Variants in FSHR observed in about 807,000 individuals in gnomAD.
FSHR encodes follicle-stimulating hormone receptor.
FSHR carries 46 observed loss-of-function variants against 52.1 expected under a neutral mutation model. That is an observed-to-expected ratio of 0.88 (90% CI 0.70 to 1.13). The LOEUF (loss-of-function observed/expected upper bound fraction) is 1.13. FSHR is among the 50% of genes most tolerant of loss of function. The probability of loss-of-function intolerance (pLI) is 0.00; values close to 1 mark genes in which losing one functional copy is unlikely to be tolerated. For missense variants in FSHR, 964 were observed against 834.6 expected (o/e 1.16, Z -1.91); for synonymous variants, 399 against 309.6 (o/e 1.29, Z -3.03).
intron 4 of FSHR, among the ~76,000 whole-genome samples, chr2:48,993,120 G>C (rs1357442623): frequency 6.6e-6 from 1 of 151,552 alleles, no homozygotes; most frequent in African/African-American, 2.4e-5. Context: ...TGGGCCTTTT[G>C]CTTCTCTTTT....
At chr2:48,999,467 G>C (rs1175435683) in intron 4 of FSHR, among the ~76,000 whole-genome samples, 1 of 152,060 alleles carries the variant, frequency 6.6e-6, no homozygotes, top group Non-Finnish European at 1.5e-5. Flanking sequence ...TTCATTATGA[G>C]AGTTGCCCAA....
intron 1 of FSHR, among the ~76,000 whole-genome samples, chr2:49,081,758 C>G (rs757297776): frequency 6.6e-6 from 1 of 152,126 alleles, no homozygotes; most frequent in Non-Finnish European, 1.5e-5. Context: ...AATTGGGAAG[C>G]TTTATGATTC....
rs1672252041 is a variant in FSHR at position 49,131,252 on chromosome 2, A to G, written c.152+23014T>C. 1.3e-5 allele frequency among the ~76,000 whole-genome samples: 2 copies of G among 152,200 alleles called. 1 individual carries two copies. The highest frequency in any genetic ancestry group is 4.1e-4 in the South Asian group (2 of 4,828). ...AAGACGAGTTGAAGACCAACAAACA[A>G]GATGATAAATTCAAGTTAATTCTAG... On this transcript the variant is annotated intron_variant, in intron 1 of 9. Transcript: ENST00000406846.
intron 4 of FSHR, among the ~76,000 whole-genome samples, chr2:49,000,316 G>A (rs1341411130): frequency 1.3e-5 from 2 of 152,104 alleles, no homozygotes; most frequent in Admixed American, 1.3e-4. Context: ...AAGAATCACG[G>A]CAAACTAAGT....
At chr2:49,127,660 A>G (rs933815081) in intron 1 of FSHR, among the ~76,000 whole-genome samples, 8 of 151,754 alleles carry the variant, frequency 5.3e-5, no homozygotes, top group Non-Finnish European at 1.0e-4. Context: ...CATCTTGCCA[A>G]TCCTGCCTCT....
intron 8 of FSHR, among the ~76,000 whole-genome samples, chr2:48,974,641 T>C (rs1304076602): frequency 1.3e-5 from 2 of 152,238 alleles, no homozygotes; most frequent in East Asian, 1.9e-4. Flanking sequence ...TAAAGCTTAC[T>C]GTCTGAAGTG....
intron 6 of FSHR, among the ~76,000 whole-genome samples, chr2:48,985,121 AC>A (rs1675433105): frequency 1.3e-5 from 2 of 152,066 alleles, no homozygotes; most frequent in African/African-American, 4.8e-5. Flanking sequence ...GACGATGATG[AC>A]GATGATGACG....
chr2:49,106,598 G>T (rs1671232333), intron 1 of FSHR, among the ~76,000 whole-genome samples: 1 of 152,182 alleles, frequency 6.6e-6, no homozygotes, highest in Admixed American at 6.5e-5. Context: ...CATGTAAAGA[G>T]ACAGCTTATT....
intron 2 of FSHR, among the ~76,000 whole-genome samples, chr2:49,049,849 AT>A (rs1668791364): frequency 6.7e-5 from 10 of 148,268 alleles, no homozygotes; most frequent in South Asian, 4.2e-4. Context: ...ATATATATAT[AT>A]AATAAAAACC....
At chr2:49,056,778 C>A (rs995442973) in intron 2 of FSHR, among the ~76,000 whole-genome samples, 1 of 151,662 alleles carries the variant, frequency 6.6e-6, no homozygotes. Context: ...AAACAAGTCT[C>A]AAAAAAATTT....
intron 1 of FSHR, among the ~76,000 whole-genome samples, chr2:49,139,817 C>T (rs12713037): frequency 0.29 from 44,694 of 151,754 alleles, 6,882 homozygotes; most frequent in East Asian, 0.47. Context: ...CCAGGGTGGT[C>T]TTGATCTCCT....
At chr2:49,001,680 C>G (rs1344771259) in intron 4 of FSHR, among the ~76,000 whole-genome samples, 1 of 152,020 alleles carries the variant, frequency 6.6e-6, no homozygotes, top group Non-Finnish European at 1.5e-5. Flanking sequence ...CAACTTAGCC[C>G]AAGAAGATGA....
In FSHR at chr2:48,963,256, A is replaced by G. The variant is rs151318189; in HGVS notation, c.1565T>C (p.Ile522Thr). 3.1e-6 allele frequency: 5 copies of G among 1,614,194 alleles called. No individual in the cohort carries two copies. In the African/African-American group the frequency reaches 4.0e-5, roughly 13 times the overall value. ...ATACAGCTGTGACAAAGGGCTGTCA[A>G]TATCCATGGGCAGGCAGATGCTCAC... ...MKVSICLPMDIDSPLSQLYVM... is the reference protein window; with the variant it reads ...MKVSICLPMDTDSPLSQLYVM... The change falls in exon 10 of 10, where the codon ATT becomes ACT. Residue 522 changes from isoleucine to threonine, a missense_variant. Coordinates refer to ENST00000406846, the MANE Select transcript of FSHR (RefSeq NM_000145.4).
intron 4 of FSHR, among the ~76,000 whole-genome samples, chr2:48,995,662 C>T (rs971703723): frequency 6.6e-6 from 1 of 152,028 alleles, no homozygotes; most frequent in African/African-American, 2.4e-5. Flanking sequence ...CTTGAGGGTT[C>T]CCTGAGCAGA....
chr2:49,057,104 G>A (rs1350419906), intron 2 of FSHR, among the ~76,000 whole-genome samples: 2 of 151,594 alleles, frequency 1.3e-5, no homozygotes, highest in Non-Finnish European at 2.9e-5. Flanking sequence ...TGCAACTCAA[G>A]GAACTAAAAA....
At chr2:49,060,102 C>T (rs11125202) in intron 2 of FSHR, among the ~76,000 whole-genome samples, 52,510 of 151,886 alleles carry the variant, frequency 0.35, 9,692 homozygotes, top group East Asian at 0.49. Flanking sequence ...TGGAAAAATG[C>T]TCCACATCAC....
intron 1 of FSHR, among the ~76,000 whole-genome samples, chr2:49,148,726 G>T (rs1464436481): frequency 6.6e-6 from 1 of 152,026 alleles, no homozygotes; most frequent in Non-Finnish European, 1.5e-5. Context: ...TAATAAGGCT[G>T]AATTTCAAGA....
rs1558404935 is a variant in FSHR, at chr2:49,038,630, AATAATAATAAT to A, written c.225-18481_225-18471del. Among the ~76,000 whole-genome samples, 19 of 47,948 alleles carry A rather than the reference AATAATAATAAT, an allele frequency of 4.0e-4. 1 individual carries two copies. Among genetic ancestry groups the A allele is most frequent in the African/African-American group, 1.4e-3 (15 of 10,742 alleles). 31.5% of individuals were successfully genotyped at this position (47,948 alleles called of 152,430 possible). On this transcript the variant is annotated intron_variant, in intron 2 of 9. Coordinates refer to ENST00000406846, the MANE Select transcript of FSHR (RefSeq NM_000145.4). ...ACAGAGCAAGACTCTGTCTCAAAAT[AATAATAATAAT>A]AATAATAATAATAATAATAATAATA...
At chr2:49,146,063 GA>G (rs1456995452) in intron 1 of FSHR, among the ~76,000 whole-genome samples, 1 of 152,022 alleles carries the variant, frequency 6.6e-6, no homozygotes, top group Non-Finnish European at 1.5e-5. Context: ...CCAAACTTGT[GA>G]CTGGATTTTT....
Sources: gnomAD v4.1 joint callset for allele counts (sites outside exome capture counted in the v4.1 genomes callset) on GRCh38, gnomAD v4.1.1 for gene constraint, MANE v1.5 for transcripts, NCBI Gene and HGNC (gene_info 2026-07-23, HGNC 2026-07-21) for gene names.